PDE8B: variants seen among roughly 807,000 people sequenced by gnomAD.
The protein encoded by PDE8B is high affinity cAMP-specific and IBMX-insensitive 3',5'-cyclic phosphodiesterase 8B.
In PDE8B, 26 loss-of-function variants were observed where a neutral mutation model predicts 101.3. That is an observed-to-expected ratio of 0.26 (90% CI 0.19 to 0.36). The LOEUF is 0.36. Among genes scored for constraint, PDE8B ranks in the 10% least tolerant of loss-of-function variants. PDE8B has a pLI of 1.00. For missense variants in PDE8B, 810 were observed against 1,163.1 expected (o/e 0.70, Z 4.42); for synonymous variants, 424 against 429.3 (o/e 0.99, Z 0.15).
intron 1 of PDE8B, among the ~76,000 whole-genome samples, chr5:77,271,193 G>A (rs932703449): frequency 1.5e-4 from 23 of 152,318 alleles, no homozygotes; most frequent in African/African-American, 5.5e-4. Flanking sequence ...CCCTATTCCA[G>A]GATCAATGGT....
intron 5 of PDE8B, among the ~76,000 whole-genome samples, chr5:77,332,286 T>G (rs1355061068): frequency 6.6e-6 from 1 of 152,160 alleles, no homozygotes; most frequent in Non-Finnish European, 1.5e-5. Flanking sequence ...AATATATATA[T>G]TACTCCTATG....
At chr5:77,149,667 T>C in the PDE8B span, among the ~76,000 whole-genome samples, 4 of 152,342 alleles carry the variant, frequency 2.6e-5, no homozygotes, top group East Asian at 5.8e-4. Context: ...ATTGCTGATA[T>C]ATACAAATAC....
chr5:77,417,516 T>G (rs1307286563), intron 17 of PDE8B, among the ~76,000 whole-genome samples: 1 of 152,192 alleles, frequency 6.6e-6, no homozygotes, highest in Non-Finnish European at 1.5e-5. Flanking sequence ...CAACATCTCT[T>G]ATATAACAGT....
intron 17 of PDE8B, among the ~76,000 whole-genome samples, chr5:77,413,638 G>T (rs1012788121): frequency 6.6e-6 from 1 of 152,040 alleles, no homozygotes; most frequent in East Asian, 1.9e-4. Flanking sequence ...ACAGCAAATG[G>T]TTACTAGATC....
intron 10 of PDE8B, among the ~76,000 whole-genome samples, chr5:77,354,286 G>A (rs1480991152): frequency 2.0e-5 from 3 of 152,226 alleles, no homozygotes; most frequent in Admixed American, 6.5e-5. Context: ...GTCTTCAGTC[G>A]GTTGTCTCAG....
chr5:77,326,674 AATATAC>A (rs953536510), intron 3 of PDE8B, among the ~76,000 whole-genome samples: 60 of 152,284 alleles, frequency 3.9e-4, no homozygotes, highest in African/African-American at 1.4e-3. Flanking sequence ...AGTGTATATA[AATATAC>A]ATATAGTATA....
intron 1 of PDE8B, chr5:77,290,990 G>A: frequency 6.2e-7 from 1 of 1,611,998 alleles, no homozygotes; most frequent in Non-Finnish European, 8.5e-7. Context: ...GAGTGAACCT[G>A]CTGTCCTTCA....
At position 77,211,199 on chromosome 5, in the gene PDE8B, G is replaced by C; in HGVS notation, c.274G>C (p.Gly92Arg). 3 of 1,563,762 alleles carry C rather than the reference G, an allele frequency of 1.9e-6. No individual in the cohort carries two copies. The highest frequency in any genetic ancestry group is 2.6e-6 in the Non-Finnish European group (3 of 1,163,076). ...SAAPAATTSR[G>R]RRRHCCSSAE... Reference sequence around the variant, plus strand: ...AGCCCCCGCCGCGACCACCAGCAGGGGCCGGAGGCGCCACTGCTGCAGCAG... The same window carrying C: ...AGCCCCCGCCGCGACCACCAGCAGGCGCCGGAGGCGCCACTGCTGCAGCAG... The change falls in exon 1 of 22, where the codon GGC (glycine) becomes CGC (arginine). Residue 92 changes from glycine (G) to arginine (R), a missense_variant. Gly to Arg is a moderately radical substitution (Grantham distance 125). This residue lies in a region of PDE8B where 159 missense variants were observed against 146.6 expected (regional missense o/e 1.08). Transcript: ENST00000264917. This position sits in a 1 kb window ranked among gnomAD's most constrained non-coding sequence, Gnocchi z 4.1.
chr5:77,307,930 T>C (rs1404205398), intron 1 of PDE8B, among the ~76,000 whole-genome samples: 1 of 152,234 alleles, frequency 6.6e-6, no homozygotes, highest in Non-Finnish European at 1.5e-5. Context: ...AATACACTAA[T>C]TGAAGAGTCT....
At chr5:77,146,176 AATG>A in the PDE8B span, 1 of 152,206 alleles carries the variant, frequency 6.6e-6, no homozygotes, top group Admixed American at 6.5e-5. Flanking sequence ...ACCTGATTTA[AATG>A]ATGAGATGCT....
the PDE8B span, among the ~76,000 whole-genome samples, chr5:77,179,170 T>C: frequency 6.6e-6 from 1 of 152,386 alleles, no homozygotes; most frequent in African/African-American, 2.4e-5. Flanking sequence ...TAGAAAAACG[T>C]GGCGAAGGCC....
intron 10 of PDE8B, among the ~76,000 whole-genome samples, chr5:77,394,209 G>A (rs1790532378): frequency 6.6e-6 from 1 of 152,136 alleles, no homozygotes. Context: ...GATGTTGCCC[G>A]TTCATCATGG....
At chr5:77,371,262 A>G (rs1157345274) in intron 10 of PDE8B, among the ~76,000 whole-genome samples, 2 of 152,222 alleles carry the variant, frequency 1.3e-5, no homozygotes, top group Admixed American at 6.5e-5. Context: ...ATTTAGGACT[A>G]TCATCCATCT....
chr5:77,182,771 A>C, the PDE8B span, among the ~76,000 whole-genome samples: 1 of 143,040 alleles, frequency 7.0e-6, no homozygotes, highest in Non-Finnish European at 1.5e-5. Flanking sequence ...TTTTTTTTTT[A>C]CTTTATATAC....
the PDE8B span, among the ~76,000 whole-genome samples, chr5:77,134,976 G>A: frequency 2.6e-5 from 4 of 152,132 alleles, no homozygotes; most frequent in East Asian, 1.9e-4. Flanking sequence ...TAAGATAGTC[G>A]GCCATGGAAA....
intron 10 of PDE8B, among the ~76,000 whole-genome samples, chr5:77,363,495 C>A (rs763632571): frequency 6.6e-6 from 1 of 151,868 alleles, no homozygotes; most frequent in South Asian, 2.1e-4. Context: ...GGGCGGATCA[C>A]GAGGTCAGGA....
Position 77,301,507 on chromosome 5 carries a change from G to T in PDE8B, c.340-10487G>T, listed in dbSNP as rs115411331. ...GGATGGAGGTGGATCAGAAATGAGT[G>T]CTTGGGTTTTTCCACAGTCTGGATA... is the stretch of plus-strand genomic sequence containing the variant. On this transcript the variant is annotated intron_variant, in intron 1 of 21. Transcript: ENST00000264917. Among the ~76,000 whole-genome samples, 989 of 152,320 alleles carry T rather than the reference G, an allele frequency of 6.5e-3. 7 individuals carry two copies. The highest frequency in any genetic ancestry group is 0.022 in the African/African-American group (899 of 41,562).
chr5:77,364,674 T>C (rs565556386), intron 10 of PDE8B, among the ~76,000 whole-genome samples: 12 of 152,196 alleles, frequency 7.9e-5, no homozygotes, highest in Middle Eastern at 3.4e-3. Context: ...TCCTCATTAT[T>C]TGTTAGTCAA....
At chr5:77,097,734 C>CTATATATATATAT in the PDE8B span, among the ~76,000 whole-genome samples, 1 of 26,838 alleles carries the variant, frequency 3.7e-5, no homozygotes, top group African/African-American at 8.0e-5. Flanking sequence ...TATATATATA[C>CTATATATATATAT]ATACATATGA....
Sources: gnomAD v4.1 joint callset for allele counts (sites outside exome capture counted in the v4.1 genomes callset) on GRCh38, gnomAD v4.1.1 for gene constraint, gnomAD v4.1.1 regional missense constraint, Gnocchi (gnomAD v3.1) non-coding constraint, MANE v1.5 for transcripts, NCBI Gene and HGNC (gene_info 2026-07-23, HGNC 2026-07-21) for gene names.